The following LRP1B variants were observed in gnomAD, a reference collection of about 807,000 sequenced individuals.
The protein encoded by LRP1B is LDL receptor related protein 1B.
A neutral mutation model predicts 556.6 loss-of-function variants in LRP1B; 217 were observed. The observed-to-expected ratio is 0.39, with a 90% CI of 0.35 to 0.44. LRP1B has a LOEUF of 0.44. Ranked by LOEUF, LRP1B falls within the 20% of genes least tolerant of loss-of-function variation. LRP1B has a pLI of 1.00. For synonymous variants in LRP1B, 2,047 were observed against 1,865.8 expected (o/e 1.10, Z -2.50); for missense variants, 5,053 against 5,620.8 (o/e 0.90, Z 3.23).
At chr2:141,150,456 T>A (rs1414945243) in intron 7 of LRP1B, among the ~76,000 whole-genome samples, 1 of 152,200 alleles carries the variant, frequency 6.6e-6, no homozygotes, top group Non-Finnish European at 1.5e-5. Context: ...GTGTTTCCCT[T>A]CACTCTATTT....
At chr2:141,463,891 G>T in intron 3 of LRP1B, among the ~76,000 whole-genome samples, 1 of 146,350 alleles carries the variant, frequency 6.8e-6, no homozygotes, top group African/African-American at 2.5e-5. Flanking sequence ...TTTATATATA[G>T]ATATATCTCA....
chr2:140,738,602 A>T (rs1428275960), intron 35 of LRP1B, among the ~76,000 whole-genome samples: 2 of 152,170 alleles, frequency 1.3e-5, no homozygotes, highest in African/African-American at 4.8e-5. Flanking sequence ...TTGAATGGCA[A>T]CTTTGGCTTA....
At chr2:141,252,187 C>T (rs1203517658) in intron 4 of LRP1B, among the ~76,000 whole-genome samples, 1 of 149,056 alleles carries the variant, frequency 6.7e-6, no homozygotes, top group South Asian at 2.2e-4. Flanking sequence ...ATCCTCTCAC[C>T]CCCACCACCC....
At chr2:140,806,871 A>G (rs1404308198) in intron 32 of LRP1B, among the ~76,000 whole-genome samples, 1 of 152,224 alleles carries the variant, frequency 6.6e-6, no homozygotes, top group East Asian at 1.9e-4. Context: ...TGTTTCTGTG[A>G]CAATATTTGT....
rs932901458 is a variant in LRP1B at position 140,454,172 on chromosome 2, A to T, written c.9963+2283T>A. On this transcript the variant is annotated intron_variant, in intron 62 of 90. Coordinates refer to ENST00000389484, the MANE Select transcript of LRP1B (RefSeq NM_018557.3). ...TTTATTTGTTTTTATTTTTTGAGAC[A>T]AGAGTTTCACTCTGTTGCCTAGGCT... Among the ~76,000 whole-genome samples the T allele has an allele frequency of 2.0e-5, 3 of 151,984 alleles. No individual in the cohort carries two copies. The South Asian group carries it at 6.2e-4, about 32-fold the overall frequency.
At chr2:142,107,236 T>C (rs1478316572) in intron 1 of LRP1B, among the ~76,000 whole-genome samples, 1 of 152,198 alleles carries the variant, frequency 6.6e-6, no homozygotes, top group Non-Finnish European at 1.5e-5. Flanking sequence ...CTAAAGTTTA[T>C]ATATTAGAAA....
intron 51 of LRP1B, among the ~76,000 whole-genome samples, chr2:140,511,544 G>A (rs540283261): frequency 9.2e-5 from 14 of 152,058 alleles, no homozygotes; most frequent in East Asian, 7.8e-4. Flanking sequence ...CTCGTGATCC[G>A]CCCGCCTCGG....
intron 1 of LRP1B, among the ~76,000 whole-genome samples, chr2:141,882,156 T>C (rs1208239780): frequency 3.3e-5 from 5 of 152,190 alleles, no homozygotes; most frequent in Non-Finnish European, 2.9e-5. Flanking sequence ...AACTTCTGCA[T>C]GAGAATATGT....
At chr2:141,413,328 G>T (rs1690926477) in intron 3 of LRP1B, among the ~76,000 whole-genome samples, 1 of 152,104 alleles carries the variant, frequency 6.6e-6, no homozygotes. Context: ...ACCTAGCTGT[G>T]GTCAGAGGCA....
intron 1 of LRP1B, among the ~76,000 whole-genome samples, chr2:142,076,340 C>T (rs1559057264): frequency 6.6e-6 from 1 of 152,046 alleles, no homozygotes; most frequent in South Asian, 2.1e-4. Context: ...CAACAGCATC[C>T]TCAAAAGGAA....
chr2:141,934,112 G>T (rs1700573128), intron 1 of LRP1B, among the ~76,000 whole-genome samples: 3 of 152,142 alleles, frequency 2.0e-5, no homozygotes, highest in African/African-American at 7.2e-5. Flanking sequence ...GAATAAAAAT[G>T]TAGTTTATTT....
chr2:141,492,963 TC>T, intron 2 of LRP1B, among the ~76,000 whole-genome samples: 1 of 152,174 alleles, frequency 6.6e-6, no homozygotes, highest in Non-Finnish European at 1.5e-5. Context: ...AAACAAACTG[TC>T]CTTTATTGCA....
chr2:140,314,812 A>G, intron 83 of LRP1B, 123 bp downstream of exon 83: 2 of 661,734 alleles, frequency 3.0e-6, no homozygotes, highest in Non-Finnish European at 4.7e-6. Flanking sequence ...TTGTGTTATT[A>G]TATTGTGTTA....
intron 82 of LRP1B, among the ~76,000 whole-genome samples, 181 bp from the exon 83 acceptor site, chr2:140,315,280 T>C (rs1048822784): frequency 6.6e-5 from 10 of 152,222 alleles, no homozygotes; most frequent in African/African-American, 1.9e-4. Context: ...GGTTGTTGAA[T>C]GGTAAATATA....
chr2:141,700,485 T>C (rs1477289077), intron 2 of LRP1B, among the ~76,000 whole-genome samples: 1 of 151,866 alleles, frequency 6.6e-6, no homozygotes, highest in Non-Finnish European at 1.5e-5. Flanking sequence ...CGTTTTTCAT[T>C]AGAAATGTTT....
intron 7 of LRP1B, among the ~76,000 whole-genome samples, chr2:141,153,354 C>A (rs1701977176): frequency 9.0e-6 from 1 of 110,802 alleles, no homozygotes; most frequent in Non-Finnish European, 1.7e-5. Flanking sequence ...TATATATTAG[C>A]TATATATATT....
At chr2:141,039,491 G>A (rs1347142364) in intron 11 of LRP1B, among the ~76,000 whole-genome samples, 2 of 151,938 alleles carry the variant, frequency 1.3e-5, no homozygotes, top group Non-Finnish European at 2.9e-5. Flanking sequence ...CTCCGATAAA[G>A]GGGGCTACTG....
In LRP1B at chr2:141,498,531, G is replaced by T. The variant is rs543876820; in HGVS notation, c.206-17998C>A. ...ACCTGGTAAAATAACTTTTCGCAAT[G>T]GTACCCTTTTATAATGTTCACGATC... On this transcript the variant is annotated intron_variant, in intron 2 of 90. Transcript: ENST00000389484. 2.6e-5 allele frequency among the ~76,000 whole-genome samples: 4 copies of T among 151,874 alleles called. 1 individual carries two copies. The East Asian group carries it at 7.8e-4, about 30-fold the overall frequency.
At chr2:141,930,295 A>C (rs1700457737) in intron 1 of LRP1B, among the ~76,000 whole-genome samples, 1 of 152,090 alleles carries the variant, frequency 6.6e-6, no homozygotes, top group Admixed American at 6.6e-5. Context: ...TCATCATTAT[A>C]ATGACCATAT....
Sources: gnomAD v4.1 joint callset for allele counts (sites outside exome capture counted in the v4.1 genomes callset) on GRCh38, gnomAD v4.1.1 for gene constraint, MANE v1.5 for transcripts, NCBI Gene and HGNC (gene_info 2026-07-23, HGNC 2026-07-21) for gene names.